PPFIA2: variants seen among roughly 807,000 people sequenced by gnomAD.
PPFIA2 encodes liprin-alpha-2.
Under a neutral mutation model 175.5 loss-of-function variants are expected in PPFIA2, and 46 were observed. The ratio of observed to expected loss-of-function variants is 0.26; its 90% confidence interval spans 0.21 to 0.34. PPFIA2 has a LOEUF of 0.34. Among genes scored for constraint, PPFIA2 ranks in the 10% least tolerant of loss-of-function variants. PPFIA2 has a pLI of 1.00. For missense variants in PPFIA2, 1,179 were observed against 1,506.1 expected, an observed-to-expected ratio of 0.78 and a Z score of 3.60; for synonymous variants, 568 against 511.4, an observed-to-expected ratio of 1.11 and a Z score of -1.49.
chr12:81,615,304 A>G (rs925666124), intron 4 of PPFIA2, among the ~76,000 whole-genome samples: 5 of 152,224 alleles, frequency 3.3e-5, no homozygotes, highest in East Asian at 3.8e-4. Flanking sequence ...ACTCTTGCAC[A>G]TGTTGAGTTT....
At chr12:81,511,611 A>AG (rs1399777587) in intron 4 of PPFIA2, among the ~76,000 whole-genome samples, 2 of 152,066 alleles carry the variant, frequency 1.3e-5, no homozygotes, top group African/African-American at 4.8e-5. Flanking sequence ...AGGTTCTGTG[A>AG]GGGGAAAAAC....
chr12:81,581,653 C>T (rs1487086558), intron 4 of PPFIA2, among the ~76,000 whole-genome samples: 4 of 151,564 alleles, frequency 2.6e-5, no homozygotes. Flanking sequence ...TGTTTCACTT[C>T]CTTGCCGTAA....
chr12:81,536,437 C>G (rs1467158175), intron 4 of PPFIA2, among the ~76,000 whole-genome samples: 2 of 151,176 alleles, frequency 1.3e-5, no homozygotes, highest in East Asian at 3.9e-4. Flanking sequence ...TAAGAAATAT[C>G]AACAACCTTA....
intron 4 of PPFIA2, among the ~76,000 whole-genome samples, chr12:81,556,221 G>A (rs1468896780): frequency 2.0e-5 from 3 of 151,870 alleles, no homozygotes; most frequent in Non-Finnish European, 4.4e-5. Flanking sequence ...CCAATACTTT[G>A]AAGTGATGGT....
intron 4 of PPFIA2, among the ~76,000 whole-genome samples, chr12:81,653,155 G>A (rs1046233760): frequency 2.0e-5 from 3 of 151,946 alleles, no homozygotes; most frequent in Non-Finnish European, 2.9e-5. Flanking sequence ...TTAATTTTAA[G>A]AGCAACCAGC....
intron 2 of PPFIA2, among the ~76,000 whole-genome samples, chr12:81,756,633 T>C (rs540022754): frequency 2.0e-5 from 3 of 152,194 alleles, no homozygotes; most frequent in African/African-American, 7.2e-5. Flanking sequence ...AAAACTTTAG[T>C]TCTCTCTTTC....
chr12:81,658,012 G>A (rs1386790827), intron 4 of PPFIA2, among the ~76,000 whole-genome samples: 2 of 152,124 alleles, frequency 1.3e-5, no homozygotes, highest in Non-Finnish European at 2.9e-5. Flanking sequence ...GCTTACACCT[G>A]TAATCCCAGG....
chr12:81,699,289 T>G (rs777806228), intron 3 of PPFIA2, among the ~76,000 whole-genome samples: 2 of 152,012 alleles, frequency 1.3e-5, no homozygotes, highest in Non-Finnish European at 2.9e-5. Context: ...GAGTAAAGAC[T>G]TTACTCTGGT....
At position 81,339,192 on chromosome 12, in the gene PPFIA2, G is replaced by A; in HGVS notation, c.2536C>T (p.Leu846Phe). The A allele has an allele frequency of 6.3e-7, 1 of 1,599,622 alleles. No homozygotes were observed. Among genetic ancestry groups the A allele is most frequent in the East Asian group, 2.3e-5 (1 of 44,030 alleles). Residue 846 changes from leucine (L) to phenylalanine (F), a missense_variant, in exon 21 of 33, where the codon CTT (leucine) becomes TTT (phenylalanine). Physicochemically the swap from Leu to Phe is conservative, Grantham distance 22 (BLOSUM62 0). Coordinates refer to ENST00000549396, the MANE Select transcript of PPFIA2 (RefSeq NM_003625.5). ...CATGCATACTTACGGAGCTGCCCAAGTCGAGCTTTTTCTTTTTTACCAAAC... is the reference window on the plus strand; with the variant it reads ...CATGCATACTTACGGAGCTGCCCAAATCGAGCTTTTTCTTTTTTACCAAAC... Reference protein sequence around the residue: ...RLFGKKEKARLGQLRGFMETE... With the variant: ...RLFGKKEKARFGQLRGFMETE...
At position 81,277,506 on chromosome 12, in the gene PPFIA2, T is replaced by G. The variant is rs993381560; in HGVS notation, c.3213-92A>C. The G allele has an allele frequency of 6.5e-6, 8 of 1,231,482 alleles. No individual in the cohort carries two copies. In the African/African-American group the frequency reaches 1.2e-4, roughly 19 times the overall value. The allele number at this position is 1,231,482 out of a possible 1,614,324, so 76.3% of individuals were successfully genotyped here. A position where few individuals can be genotyped will look rare whatever the true frequency, so the allele number is the denominator to read the frequency against. On this transcript the variant is annotated intron_variant, in intron 27 of 32. Coordinates refer to ENST00000549396, the MANE Select transcript of PPFIA2 (RefSeq NM_003625.5). ...ATTAGCCATAGTCAACACTATGCACTGCTTCTTAGGGCAACAAGTTAATAA... is the reference window on the plus strand; with the variant it reads ...ATTAGCCATAGTCAACACTATGCACGGCTTCTTAGGGCAACAAGTTAATAA...
At chr12:81,698,865 T>C (rs1365174845) in intron 3 of PPFIA2, among the ~76,000 whole-genome samples, 1 of 152,086 alleles carries the variant, frequency 6.6e-6, no homozygotes, top group East Asian at 1.9e-4. Flanking sequence ...AGACTGTATA[T>C]GAGTTATCTA....
intron 4 of PPFIA2, among the ~76,000 whole-genome samples, chr12:81,607,842 T>TCCATTA (rs2060486238): frequency 6.6e-6 from 1 of 152,088 alleles, no homozygotes; most frequent in Admixed American, 6.6e-5. Context: ...CAAATAGGCG[T>TCCATTA]GGTGAGAATG....
chr12:81,471,865 A>C (rs530684190), intron 4 of PPFIA2, among the ~76,000 whole-genome samples: 5 of 152,296 alleles, frequency 3.3e-5, no homozygotes, highest in Admixed American at 3.3e-4. Context: ...TAGGTGACAT[A>C]AGGAAATTTT....
chr12:81,321,894 G>T (rs140415131), intron 22 of PPFIA2, among the ~76,000 whole-genome samples: 1 of 152,304 alleles, frequency 6.6e-6, no homozygotes, highest in Non-Finnish European at 1.5e-5. Flanking sequence ...ATTCCATACA[G>T]TGTAATTGTA....
chr12:81,676,781 T>G lies in PPFIA2; in HGVS notation c.303+10A>C. On this transcript the variant is annotated intron_variant, in intron 4 of 32. Transcript: ENST00000549396. ...ATCAATAGTTAAATTTAATGAAGAATCTAACTTACCGGTGGATCAGCCCCC... is the reference window on the plus strand; with the variant it reads ...ATCAATAGTTAAATTTAATGAAGAAGCTAACTTACCGGTGGATCAGCCCCC... 4 of 1,545,610 alleles carry G rather than the reference T, an allele frequency of 2.6e-6. No homozygotes were observed. Among genetic ancestry groups the G allele is most frequent in the Non-Finnish European group, 3.5e-6 (4 of 1,142,992 alleles).
At chr12:81,607,048 A>T (rs1441021029) in intron 4 of PPFIA2, among the ~76,000 whole-genome samples, 2 of 152,124 alleles carry the variant, frequency 1.3e-5, no homozygotes, top group Non-Finnish European at 2.9e-5. Context: ...CCGTTATCCC[A>T]GCACCATTAA....
At chr12:81,364,726 T>C (rs1423380952) in intron 14 of PPFIA2, among the ~76,000 whole-genome samples, 4 of 151,696 alleles carry the variant, frequency 2.6e-5, no homozygotes, top group African/African-American at 4.8e-5. Context: ...TGGACAAGAA[T>C]GGTGTTAGGG....
chr12:81,582,029 T>C (rs1317912762), intron 4 of PPFIA2, among the ~76,000 whole-genome samples: 4 of 151,942 alleles, frequency 2.6e-5, no homozygotes, highest in Non-Finnish European at 5.9e-5. Flanking sequence ...CCCAAATTCA[T>C]ATTTCCTGCT....
At chr12:81,417,148 C>T (rs1449852301) in intron 7 of PPFIA2, 2 of 151,574 alleles carry the variant, frequency 1.3e-5, no homozygotes, top group Non-Finnish European at 3.0e-5. Flanking sequence ...ATTCCATTTG[C>T]TTTCGGGAAT....
Sources: gnomAD v4.1 joint callset for allele counts (sites outside exome capture counted in the v4.1 genomes callset) on GRCh38, gnomAD v4.1.1 for gene constraint, MANE v1.5 for transcripts, NCBI Gene and HGNC (gene_info 2026-07-23, HGNC 2026-07-21) for gene names.